The following CAB39L variants were observed in gnomAD, a reference collection of about 807,000 sequenced individuals.
The protein encoded by CAB39L is calcium-binding protein 39-like.
A neutral mutation model predicts 39.1 loss-of-function variants in CAB39L; 23 were observed. The ratio of observed to expected loss-of-function variants is 0.59; its 90% CI spans 0.42 to 0.83. The LOEUF (loss-of-function observed/expected upper bound fraction) is 0.83. Ranked by LOEUF, CAB39L falls within the 40% of genes least tolerant of loss-of-function variation. The pLI is 0.00. For missense variants in CAB39L, 366 were observed against 391.9 expected, an observed-to-expected ratio of 0.93 and a Z score of 0.56; for synonymous variants, 126 against 137.2, an observed-to-expected ratio of 0.92 and a Z score of 0.57.
intron 6 of CAB39L, among the ~76,000 whole-genome samples, chr13:49,354,402 C>A (rs1399672267): frequency 6.6e-6 from 1 of 152,178 alleles, no homozygotes; most frequent in East Asian, 1.9e-4. Context: ...AGTATATTGA[C>A]TTTTGATAGG....
chr13:49,359,056 T>C (rs1270760066), intron 6 of CAB39L, among the ~76,000 whole-genome samples: 2 of 152,138 alleles, frequency 1.3e-5, no homozygotes, highest in Non-Finnish European at 2.9e-5. Flanking sequence ...AGAGACGTCC[T>C]GGTTTGAGAT....
chr13:49,378,612 A>G (rs1956166141), intron 4 of CAB39L, among the ~76,000 whole-genome samples: 1 of 64,926 alleles, frequency 1.5e-5, no homozygotes, highest in East Asian at 3.0e-4. Flanking sequence ...CCGCCCGGCC[A>G]GCCGCCCCGT....
chr13:49,367,381 G>T (rs1413632858), intron 5 of CAB39L, among the ~76,000 whole-genome samples: 1 of 152,174 alleles, frequency 6.6e-6, no homozygotes, highest in African/African-American at 2.4e-5. Flanking sequence ...ATGCTGGCAA[G>T]AATGAAGAGA....
chr13:49,381,670 T>C (rs1221959559), intron 4 of CAB39L, among the ~76,000 whole-genome samples: 1 of 152,244 alleles, frequency 6.6e-6, no homozygotes, highest in Non-Finnish European at 1.5e-5. Context: ...AATGCATCTA[T>C]ACTGTTGCAT....
chr13:49,359,690 C>G, intron 6 of CAB39L, 24 bp downstream of exon 6: 1 of 1,307,310 alleles, frequency 7.6e-7, no homozygotes, highest in Non-Finnish European at 1.1e-6. Context: ...CTTAGCCCTA[C>G]TTGAAAGGAA....
intron 5 of CAB39L, among the ~76,000 whole-genome samples, chr13:49,368,075 C>A (rs1461863403): frequency 1.3e-5 from 2 of 152,186 alleles, no homozygotes; most frequent in Non-Finnish European, 2.9e-5. Context: ...CCTTTCTAGA[C>A]CCTGCAGTGT....
chr13:49,382,820 G>C lies in CAB39L; in HGVS notation c.91C>G (p.Gln31Glu). 1.9e-6 allele frequency: 3 copies of C among 1,607,062 alleles called. No homozygotes were observed. Among genetic ancestry groups the C allele is most frequent in the Middle Eastern group, 3.3e-4 (2 of 6,048 alleles). ...CTTACCTTGTCTGTCTTTTTGTCTT[G>C]CTTTTCCAAAATGGCCAAATTGTCT... ...LKDNLAILEKQDKKTDKASEE... is the reference protein window; with the variant it reads ...LKDNLAILEKEDKKTDKASEE... Residue 31 changes from glutamine to glutamate, a missense_variant, in exon 4 of 11, where the codon CAA becomes GAA. By Grantham distance (29) the Gln-to-Glu change is conservative. Transcript: ENST00000409308.
At chr13:49,341,697 T>C (rs1453717583) in intron 8 of CAB39L, among the ~76,000 whole-genome samples, 1 of 152,184 alleles carries the variant, frequency 6.6e-6, no homozygotes, top group Middle Eastern at 3.2e-3. Context: ...GTTAATAATT[T>C]ACTGTATATT....
chr13:49,409,204 C>T (rs984516463), intron 3 of CAB39L, among the ~76,000 whole-genome samples: 1 of 152,048 alleles, frequency 6.6e-6, no homozygotes, highest in Non-Finnish European at 1.5e-5. Flanking sequence ...CCAGCCCTTC[C>T]GGGAAACTGG....
chr13:49,423,196 T>C (rs1438983988), intron 3 of CAB39L, among the ~76,000 whole-genome samples: 1 of 152,198 alleles, frequency 6.6e-6, no homozygotes, highest in Non-Finnish European at 1.5e-5. Flanking sequence ...TACTGGGTCC[T>C]TTCCGCAGAA....
At chr13:49,421,775 G>T (rs925577273) in intron 3 of CAB39L, among the ~76,000 whole-genome samples, 5 of 152,046 alleles carry the variant, frequency 3.3e-5, no homozygotes, top group Non-Finnish European at 1.5e-5. Flanking sequence ...CCCCTAGGTG[G>T]TCAACTGAGA....
chr13:49,433,607 T>G lies in CAB39L; in HGVS notation c.-107-214A>C, dbSNP rs182330285. Among the ~76,000 whole-genome samples, 543 of 152,284 alleles carry G rather than the reference T, an allele frequency of 3.6e-3. 3 individuals are homozygous for G. Among genetic ancestry groups the G allele is most frequent in the African/African-American group, 0.012 (478 of 41,558 alleles). On this transcript the variant is annotated intron_variant, in intron 2 of 10. Coordinates refer to ENST00000409308, the MANE Select transcript of CAB39L (RefSeq NM_001079670.3). ...AGTATTGAACTGAATGAAAAATATA[T>G]TTATCATCAAGGGAAACCAGTGGAA...
At chr13:49,372,758 C>A (rs148856189) in intron 5 of CAB39L, among the ~76,000 whole-genome samples, 1,588 of 152,258 alleles carry the variant, frequency 0.01, 12 homozygotes, top group South Asian at 0.035. Context: ...GCAAGCTCCG[C>A]CTCCTGGGTT....
In CAB39L at chr13:49,425,819, C is replaced by T. The variant is rs9596102; in HGVS notation, c.-32+7499G>A. On this transcript the variant is annotated intron_variant, in intron 3 of 10. Transcript: ENST00000409308. ...CGTTAAGACTCAGTCCTATTTCCAT[C>T]GGGAAATGATTCTCCATGGCTCTGG... is the stretch of plus-strand genomic sequence containing the variant. Among the ~76,000 whole-genome samples, 243 of 152,272 alleles carry T rather than the reference C, an allele frequency of 1.6e-3. 1 individual carries two copies. Among genetic ancestry groups the T allele is most frequent in the African/African-American group, 5.7e-3 (237 of 41,550 alleles).
chr13:49,316,334 G>T (rs764116424), intron 10 of CAB39L, among the ~76,000 whole-genome samples: 11 of 152,090 alleles, frequency 7.2e-5, no homozygotes, highest in Non-Finnish European at 1.2e-4. Flanking sequence ...GATCAAATCA[G>T]TAACTTCCAA....
intron 4 of CAB39L, among the ~76,000 whole-genome samples, chr13:49,378,567 G>T (rs1262561263): frequency 1.5e-5 from 1 of 66,268 alleles, no homozygotes; most frequent in African/African-American, 8.9e-5. Context: ...CCGGCCAGCC[G>T]CCCCGTCCGG....
chr13:49,404,069 A>T (rs971983638), intron 3 of CAB39L, among the ~76,000 whole-genome samples: 1 of 152,220 alleles, frequency 6.6e-6, no homozygotes, highest in Admixed American at 6.5e-5. Flanking sequence ...CCTTGGGCAT[A>T]ACCCAGTACT....
At chr13:49,367,761 T>C (rs1955809007) in intron 5 of CAB39L, among the ~76,000 whole-genome samples, 1 of 151,858 alleles carries the variant, frequency 6.6e-6, no homozygotes, top group Non-Finnish European at 1.5e-5. Context: ...TACAAAAAAA[T>C]ACAAAAATTA....
intron 10 of CAB39L, among the ~76,000 whole-genome samples, chr13:49,317,617 C>A (rs955055711): frequency 6.6e-6 from 1 of 152,104 alleles, no homozygotes; most frequent in Non-Finnish European, 1.5e-5. Context: ...TTATCTTACT[C>A]TAAATAAAAA....
Sources: allele counts gnomAD v4.1 joint callset (sites outside exome capture counted in the v4.1 genomes callset), GRCh38; gene constraint gnomAD v4.1.1; transcripts MANE v1.5; gene names NCBI Gene and HGNC (gene_info 2026-07-23, HGNC 2026-07-21).